The following MLXIP variants were observed in gnomAD, a reference collection of about 807,000 sequenced individuals.
MLXIP encodes the protein MLX-interacting protein.
MLXIP carries 30 observed loss-of-function variants against 87.2 expected under a neutral mutation model. The ratio of observed to expected loss-of-function variants is 0.34; its 90% CI spans 0.26 to 0.47. The LOEUF is 0.47. Ranked by LOEUF, MLXIP falls within the 20% of genes least tolerant of loss-of-function variation. The pLI, the probability that MLXIP is intolerant of heterozygous loss-of-function variation, is 1.00. For missense variants in MLXIP, 1,002 were observed against 1,240.1 expected (o/e 0.81, Z 2.88); for synonymous variants, 530 against 514.0 (o/e 1.03, Z -0.42).
intron 1 of MLXIP, among the ~76,000 whole-genome samples, chr12:122,090,356 G>T (rs1952227542): frequency 6.6e-6 from 1 of 152,064 alleles, no homozygotes; most frequent in Admixed American, 6.6e-5. Flanking sequence ...AAATTAGCTG[G>T]TGTGGTGGCA....
rs192723994 is a variant in MLXIP at position 122,142,145 on chromosome 12, C to T, written c.*333C>T. On this transcript the variant is annotated 3_prime_UTR_variant, in exon 17 of 17. Transcript: ENST00000319080. The stretch of plus-strand genomic sequence containing the variant: ...GCTGGTGGCCTGCCGGGCCTGGCGC[C>T]GGTGAGCGGAATCGATGGGATGAGG... 35 of 701,200 alleles carry T rather than the reference C, an allele frequency of 5.0e-5. No homozygotes were observed. The highest frequency in any genetic ancestry group is 1.3e-4 in the East Asian group (5 of 37,264). 43.4% of individuals were successfully genotyped at this position (701,200 alleles called of 1,614,324 possible). A position where few individuals can be genotyped will look rare whatever the true frequency, so the allele number is the denominator to read the frequency against.
chr12:122,127,481 G>T, intron 2 of MLXIP, 119 bp downstream of exon 2: 1 of 722,830 alleles, frequency 1.4e-6, no homozygotes, highest in Non-Finnish European at 2.2e-6. Flanking sequence ...AGTTCAGTCT[G>T]TGCAGACAGG....
At chr12:122,112,738 A>T (rs1364748813) in intron 1 of MLXIP, among the ~76,000 whole-genome samples, 2 of 152,196 alleles carry the variant, frequency 1.3e-5, no homozygotes, top group Non-Finnish European at 2.9e-5. Flanking sequence ...GGGGTGTATG[A>T]TGAAGATGGA....
intron 1 of MLXIP, among the ~76,000 whole-genome samples, chr12:122,113,119 T>C (rs1444198365): frequency 2.0e-5 from 3 of 152,210 alleles, no homozygotes; most frequent in Non-Finnish European, 2.9e-5. Flanking sequence ...TACAGTGAAA[T>C]ATTCTGTATA....
At chr12:122,119,017 T>A (rs1952736075) in intron 1 of MLXIP, among the ~76,000 whole-genome samples, 1 of 151,590 alleles carries the variant, frequency 6.6e-6, no homozygotes, top group Non-Finnish European at 1.5e-5. Flanking sequence ...ATACAAAAAA[T>A]TAGCTGGGCA....
chr12:122,081,235 G>C (rs1382613512), intron 1 of MLXIP, among the ~76,000 whole-genome samples: 1 of 152,080 alleles, frequency 6.6e-6, no homozygotes, highest in Non-Finnish European at 1.5e-5. Context: ...CTGTGCCTAA[G>C]GTCTCCTGCT....
intron 1 of MLXIP, among the ~76,000 whole-genome samples, chr12:122,122,940 G>A (rs12366611): frequency 0.5 from 75,849 of 150,474 alleles, 19,582 homozygotes; most frequent in Middle Eastern, 0.64. Flanking sequence ...TGATCCTCCC[G>A]CCTCAGCCCT....
In MLXIP at chr12:122,137,505, G is replaced by A. The variant is rs1490846420; in HGVS notation, c.2069G>A (p.Cys690Tyr). Residue 690 changes from cysteine (C) to tyrosine (Y), a missense_variant, in exon 12 of 17, where the codon TGT (cysteine) becomes TAT (tyrosine). This residue lies in a region of MLXIP where 746 missense variants were observed against 897.0 expected (regional missense o/e 0.83). Coordinates refer to ENST00000319080, the MANE Select transcript of MLXIP (RefSeq NM_014938.6). The surrounding 1 kb of genome is among the most constrained non-coding windows in gnomAD (Gnocchi z 4.1). ...DCPNSGQASPCASEQSPSPQS... is the reference protein window; with the variant it reads ...DCPNSGQASPYASEQSPSPQS... ...CCAAACTCAGGGCAGGCCTCTCCGTGTGCATCGGAGCAGAGCCCCAGTCCT... is the reference window on the plus strand; with the variant it reads ...CCAAACTCAGGGCAGGCCTCTCCGTATGCATCGGAGCAGAGCCCCAGTCCT... 6 of 1,613,890 alleles carry A rather than the reference G, an allele frequency of 3.7e-6. No individual in the cohort carries two copies. In the African/African-American group the frequency reaches 4.0e-5, roughly 11 times the overall value.
intron 1 of MLXIP, among the ~76,000 whole-genome samples, chr12:122,085,496 T>G (rs1216504600): frequency 6.6e-6 from 1 of 151,778 alleles, no homozygotes; most frequent in Non-Finnish European, 1.5e-5. Context: ...CTCCGCCTCC[T>G]GGGTTCAAGT....
At chr12:122,086,540 C>T (rs924672527) in intron 1 of MLXIP, among the ~76,000 whole-genome samples, 1 of 152,186 alleles carries the variant, frequency 6.6e-6, no homozygotes, top group Non-Finnish European at 1.5e-5. Context: ...CCTGAGCTCT[C>T]ATTCCCTAGA....
chr12:122,110,496 AG>A (rs1952588138), intron 1 of MLXIP, among the ~76,000 whole-genome samples: 1 of 151,988 alleles, frequency 6.6e-6, no homozygotes, highest in South Asian at 2.1e-4. Context: ...CATGTTGGTC[AG>A]GCTGGTCTCA....
chr12:122,137,854 G>T lies in MLXIP; in HGVS notation c.2154+264G>T, dbSNP rs1051204384. ...TGTGCAGGTACTGCTCAGGCTGCCC[G>T]CATCAGTTGCAGGAGGGGTGTGGCC... On this transcript the variant is annotated intron_variant, in intron 12 of 16. Transcript: ENST00000319080. This position sits in a 1 kb window ranked among gnomAD's most constrained non-coding sequence, Gnocchi z 4.1. Among the ~76,000 whole-genome samples the T allele has an allele frequency of 6.6e-6, 1 of 152,240 alleles. No individual in the cohort carries two copies. Among genetic ancestry groups the T allele is most frequent in the African/African-American group, 2.4e-5 (1 of 41,462 alleles).
At chr12:122,093,345 TGTGTGTGTTGGTGTGTG>T (rs1370935200) in intron 1 of MLXIP, among the ~76,000 whole-genome samples, 20 of 143,856 alleles carry the variant, frequency 1.4e-4, no homozygotes, top group East Asian at 2.1e-4. Context: ...GTCTGTGTAT[TGTGTGTGTTGGTGTGTG>T]GTGTGTGTTG....
chr12:122,140,665 A>G (rs7488857), intron 15 of MLXIP, among the ~76,000 whole-genome samples: 84,494 of 151,964 alleles, frequency 0.56, 23,751 homozygotes, highest in African/African-American at 0.6. Context: ...TTTTGATCGC[A>G]TGTTTGTGCT....
chr12:122,101,230 T>C (rs530653958), intron 1 of MLXIP, among the ~76,000 whole-genome samples: 1 of 152,288 alleles, frequency 6.6e-6, no homozygotes, highest in African/African-American at 2.4e-5. Context: ...TAGAGGTGTA[T>C]GCTCATGGTC....
At chr12:122,123,359 C>G (rs1042444368) in intron 1 of MLXIP, among the ~76,000 whole-genome samples, 1 of 152,108 alleles carries the variant, frequency 6.6e-6, no homozygotes. Flanking sequence ...GGACGCCCTT[C>G]TTTGTGTTTC....
intron 1 of MLXIP, among the ~76,000 whole-genome samples, chr12:122,098,789 C>T (rs182871468): frequency 4.6e-5 from 7 of 152,302 alleles, no homozygotes; most frequent in African/African-American, 2.4e-5. Context: ...TGCGTCGCTC[C>T]GGTGCTCTGA....
intron 1 of MLXIP, among the ~76,000 whole-genome samples, chr12:122,108,612 A>G (rs1238129097): frequency 2.0e-5 from 3 of 152,026 alleles, no homozygotes; most frequent in Admixed American, 1.3e-4. Flanking sequence ...CTGGCCCCCA[A>G]AGATCTGCAG....
intron 1 of MLXIP, among the ~76,000 whole-genome samples, chr12:122,113,876 G>A (rs1335356208): frequency 2.0e-5 from 3 of 151,230 alleles, no homozygotes; most frequent in South Asian, 2.1e-4. Context: ...TAGTAGAGAC[G>A]GAGTTTCACT....
Sources: allele counts gnomAD v4.1 joint callset (sites outside exome capture counted in the v4.1 genomes callset), GRCh38; gene constraint gnomAD v4.1.1; regional missense constraint gnomAD v4.1.1; non-coding constraint Gnocchi (gnomAD v3.1); transcripts MANE v1.5; gene names NCBI Gene and HGNC (gene_info 2026-07-23, HGNC 2026-07-21).